Variants in IL25 observed in about 807,000 individuals in gnomAD.
IL25 encodes the protein interleukin 25.
In IL25, 10 loss-of-function variants were observed where a neutral mutation model predicts 13.2. The observed-to-expected ratio is 0.76, with a 90% CI of 0.47 to 1.29. IL25 has a LOEUF of 1.29. IL25 is among the 50% of genes most tolerant of loss of function. IL25 has a pLI of 0.00. For synonymous variants in IL25, 107 were observed against 92.1 expected, an observed-to-expected ratio of 1.16 and a Z score of -0.93; for missense variants, 235 against 232.4, an observed-to-expected ratio of 1.01 and a Z score of -0.07.
At chr14:23,375,736 G>C (rs145232950) in exon 2 of IL25, 1 of 1,614,198 alleles carries the variant, frequency 6.2e-7, no homozygotes, top group Non-Finnish European at 8.5e-7. Flanking sequence ...GGGGCAACTC[G>C]GAGCTGCTCT....
At chr14:23,375,063 A>C (rs1728255910) in intron 1 of IL25, among the ~76,000 whole-genome samples, 1 of 152,142 alleles carries the variant, frequency 6.6e-6, no homozygotes, top group African/African-American at 2.4e-5. Flanking sequence ...TAAGGTCAGG[A>C]GTTCAAGACC....
At chr14:23,375,528 C>T (rs1341710950) in intron 1 of IL25, 97 bp from the exon 3 acceptor site, 8 of 1,463,154 alleles carry the variant, frequency 5.5e-6, no homozygotes, top group African/African-American at 4.2e-5. Flanking sequence ...GCCAAGGCCC[C>T]AGACGGACCA....
At position 23,375,821 on chromosome 14, in the gene IL25, C is replaced by T. The variant is rs751286784; in HGVS notation, c.475C>T (p.Arg159Cys). 8.7e-6 allele frequency: 14 copies of T among 1,614,238 alleles called. No homozygotes were observed. The highest frequency in any genetic ancestry group is 2.2e-5 in the East Asian group (1 of 44,886). The change falls in exon 2 of 2, where the codon CGC (arginine) becomes TGC (cysteine). Residue 159 changes from arginine (R) to cysteine (C), a missense_variant. Physicochemically the swap from Arg to Cys is radical, Grantham distance 180. Transcript: ENST00000329715. ...CACCCACAAGGGCTACTGCCTGGAG[C>T]GCAGGCTGTACCGTGTTTCCTTAGC...
chr14:23,373,435 T>G (rs763510393), intron 1 of IL25, 39 bp downstream of exon 2: 2 of 1,559,878 alleles, frequency 1.3e-6, no homozygotes, highest in Non-Finnish European at 1.8e-6. Context: ...GCCCTGTGTG[T>G]GCTGGCCAGG....
chr14:23,376,027 TGGGG>T, exon 2 of IL25: 1 of 1,106,488 alleles, frequency 9.0e-7, no homozygotes, highest in Non-Finnish European at 1.3e-6. Flanking sequence ...TGGGGGGCTT[TGGGG>T]AAAGCCTGCA....
chr14:23,376,023 G>A, exon 2 of IL25: 9 of 1,154,808 alleles, frequency 7.8e-6, no homozygotes, highest in Middle Eastern at 2.3e-4. Context: ...AGGATGGGGG[G>A]CTTTGGGGAA....
At chr14:23,373,073 G>C in exon 1 of IL25, 1 of 1,613,966 alleles carries the variant, frequency 6.2e-7, no homozygotes, top group African/African-American at 1.3e-5. Flanking sequence ...TTTGGGGCTG[G>C]GGGCCAAGTG....
chr14:23,373,357 G>T, exon 1 of IL25: 1 of 1,613,828 alleles, frequency 6.2e-7, no homozygotes, highest in Non-Finnish European at 8.5e-7. Context: ...AGTGAAGATG[G>T]ACCCCTCAAC....
At chr14:23,373,050 C>G (rs369763582) in exon 1 of IL25, 5 of 1,613,774 alleles carry the variant, frequency 3.1e-6, no homozygotes, top group African/African-American at 1.3e-5. Context: ...TGGAGGGAGG[C>G]CAAGCTGCCA....
At position 23,373,376 on chromosome 14, in the gene IL25, C is replaced by CA. The variant is rs1890465809; in HGVS notation, c.259dup (p.Ile87AsnfsTer7). 2.5e-6 allele frequency: 4 copies of CA among 1,612,606 alleles called. No individual in the cohort carries two copies. In the East Asian group the frequency reaches 8.9e-5, roughly 36 times the overall value. On this transcript the variant is annotated frameshift_variant, in exon 1 of 2. Transcript: ENST00000329715. LOFTEE classifies it high-confidence loss of function. ...AAGATGGACCCCTCAACAGCAGGGCCATCTCCCCCTGGAGATATGAGTGAG... is the reference window on the plus strand; with the variant it reads ...AAGATGGACCCCTCAACAGCAGGGCCAATCTCCCCCTGGAGATATGAGTGAG...
chr14:23,375,895 G>C, exon 2 of IL25: 1 of 1,610,148 alleles, frequency 6.2e-7, no homozygotes, highest in East Asian at 2.2e-5. Context: ...ACCTGCTGGA[G>C]GCTGGTCCCT....
In IL25 at chr14:23,375,713, C is replaced by G. The variant is rs938642048; in HGVS notation, c.367C>G (p.His123Asp). ...CTGCGTCAGCCTACAGACAGGCTCC[C>G]ACATGGACCCCCGGGGCAACTCGGA... Residue 123 changes from histidine (H) to aspartate (D), a missense_variant, in exon 2 of 2, where the codon CAC becomes GAC. Transcript: ENST00000329715. 3.1e-6 allele frequency: 5 copies of G among 1,614,116 alleles called. No individual in the cohort carries two copies. The African/African-American group carries it at 6.7e-5, about 22-fold the overall frequency.
exon 2 of IL25, chr14:23,375,729 G>T: frequency 6.2e-7 from 1 of 1,614,218 alleles, no homozygotes; most frequent in Non-Finnish European, 8.5e-7. Flanking sequence ...GACCCCCGGG[G>T]CAACTCGGAG....
At chr14:23,375,828 T>C (rs1890538769) in exon 2 of IL25, 3 of 1,614,128 alleles carry the variant, frequency 1.9e-6, no homozygotes, top group East Asian at 2.2e-5. Flanking sequence ...GAGCGCAGGC[T>C]GTACCGTGTT....
exon 2 of IL25, chr14:23,375,698 C>T: frequency 1.2e-6 from 2 of 1,614,214 alleles, no homozygotes; most frequent in Non-Finnish European, 1.7e-6. Context: ...CTGCGTCAGC[C>T]TACAGACAGG....
At chr14:23,375,710 T>G in exon 2 of IL25, 1 of 1,614,008 alleles carries the variant, frequency 6.2e-7, no homozygotes, top group Non-Finnish European at 8.5e-7. Flanking sequence ...ACAGACAGGC[T>G]CCCACATGGA....
chr14:23,375,796 C>T, exon 2 of IL25: 1 of 1,614,252 alleles, frequency 6.2e-7, no homozygotes, highest in South Asian at 1.1e-5. Context: ...GCGAGAAGGG[C>T]ACCCACAAGG....
At chr14:23,373,345 C>T (rs770879651) in exon 1 of IL25, 21 of 1,613,896 alleles carry the variant, frequency 1.3e-5, no homozygotes, top group Non-Finnish European at 1.7e-5. Flanking sequence ...TCCTGTAGGG[C>T]CAGTGAAGAT....
At chr14:23,375,729 G>A (rs767659101) in exon 2 of IL25, 1 of 1,614,218 alleles carries the variant, frequency 6.2e-7, no homozygotes, top group Non-Finnish European at 8.5e-7. Flanking sequence ...GACCCCCGGG[G>A]CAACTCGGAG....
Sources: gnomAD v4.1 joint callset for allele counts (sites outside exome capture counted in the v4.1 genomes callset) on GRCh38, gnomAD v4.1.1 for gene constraint, MANE v1.5 for transcripts, NCBI Gene and HGNC (gene_info 2026-07-23, HGNC 2026-07-21) for gene names.